Variants in TTC39A observed in about 807,000 individuals in gnomAD.
TTC39A encodes tetratricopeptide repeat domain 39A.
In TTC39A, 46 loss-of-function variants were observed where a neutral mutation model predicts 82.3. The observed-to-expected ratio is 0.56, with a 90% confidence interval of 0.44 to 0.71. The LOEUF (loss-of-function observed/expected upper bound fraction) is 0.71, where lower values mean the gene tolerates loss of function less well. Ranked by LOEUF, TTC39A falls within the 30% of genes least tolerant of loss-of-function variation. The pLI, the probability that TTC39A is intolerant of heterozygous loss-of-function variation, is 0.00. For missense variants in TTC39A, 543 were observed against 712.9 expected, an observed-to-expected ratio of 0.76 and a Z score of 2.71; for synonymous variants, 254 against 275.2, an observed-to-expected ratio of 0.92 and a Z score of 0.76.
At chr1:51,303,051 A>ACCCCAGGG in intron 9 of TTC39A, 33 bp downstream of exon 9, 3 of 1,551,186 alleles carry the variant, frequency 1.9e-6, no homozygotes, top group Non-Finnish European at 2.6e-6. Flanking sequence ...AGACGACCAA[A>ACCCCAGGG]CCCCAGGGCC....
Position 51,301,711 on chromosome 1 carries a change from C to T in TTC39A, c.914G>A (p.Cys305Tyr). The T allele has an allele frequency of 6.2e-7, 1 of 1,609,792 alleles. No individual in the cohort carries two copies. Among genetic ancestry groups the T allele is most frequent in the Non-Finnish European group, 8.5e-7 (1 of 1,176,646 alleles). Residue 305 changes from cysteine to tyrosine, a missense_variant, in exon 12 of 18, where the codon TGC becomes TAC. Physicochemically the swap from Cys to Tyr is radical, Grantham distance 194. Transcript: ENST00000680483. ...IDAAIRRFEECCEAQQHWKQF... is the reference protein window; with the variant it reads ...IDAAIRRFEEYCEAQQHWKQF... ...CTTCCAGTGCTGCTGGGCCTCACAG[C>T]ACTCCTCGAAACGCCGGATGGCCTG...
chr1:51,339,280 T>C (rs58091316), intron 1 of TTC39A, among the ~76,000 whole-genome samples: 10,825 of 152,206 alleles, frequency 0.071, 413 homozygotes, highest in East Asian at 0.12. Context: ...CACCTAGTCC[T>C]AATATAATTG....
Position 51,338,757 on chromosome 1 carries a change from C to T in TTC39A, c.53+6234G>A, listed in dbSNP as rs543650957. Among the ~76,000 whole-genome samples the T allele has an allele frequency of 2.6e-5, 4 of 152,070 alleles. No individual in the cohort carries two copies. In the South Asian group the frequency reaches 8.3e-4, roughly 32 times the overall value. On this transcript the variant is annotated intron_variant, in intron 1 of 5. Transcript: ENST00000401051. Reference sequence around the variant, plus strand: ...AGCTGGGATTACAGGCACGCACCACCAAGCCCGGCTAATTTTTGTATTTTT... The same window carrying T: ...AGCTGGGATTACAGGCACGCACCACTAAGCCCGGCTAATTTTTGTATTTTT...
At chr1:51,331,528 A>C, upstream of TTC39A, 1 of 985,450 alleles carries the variant, frequency 1.0e-6, no homozygotes, top group Non-Finnish European at 1.2e-6. Context: ...GGACGTCAGA[A>C]GAGGAAGCAG....
At chr1:51,311,125 T>C (rs918170976) in intron 5 of TTC39A, 129 bp downstream of exon 5, 5 of 862,686 alleles carry the variant, frequency 5.8e-6, no homozygotes, top group East Asian at 5.6e-5. Flanking sequence ...TGGGACACGA[T>C]TGCTACAGGG....
At chr1:51,306,265 T>C (rs1325891556) in intron 6 of TTC39A, among the ~76,000 whole-genome samples, 189 bp from the exon 7 acceptor site, 1 of 152,184 alleles carries the variant, frequency 6.6e-6, no homozygotes, top group Non-Finnish European at 1.5e-5. Flanking sequence ...CCTCACCCCC[T>C]GAATTTCAGC....
intron 6 of TTC39A, among the ~76,000 whole-genome samples, chr1:51,308,360 C>G (rs1471318074): frequency 1.3e-5 from 2 of 152,136 alleles, no homozygotes; most frequent in African/African-American, 2.4e-5. Flanking sequence ...CTGCCTGAGC[C>G]TCCCAAGTAG....
Position 51,288,400 on chromosome 1 carries a change from C to T in TTC39A, c.1611-120G>A. On this transcript the variant is annotated intron_variant, in intron 17 of 17. Coordinates refer to ENST00000680483, the MANE Select transcript of TTC39A (RefSeq NM_001297663.2). The surrounding 1 kb of genome is among the most constrained non-coding windows in gnomAD (Gnocchi z 4.8). The stretch of plus-strand genomic sequence containing the variant: ...AGGATTGTAGAGAAATTAATGTGTC[C>T]AGAGAGAGTTGAGCCCTACCCAATG... 1 of 1,504,384 alleles carries T rather than the reference C, an allele frequency of 6.6e-7. No homozygotes were observed. Among genetic ancestry groups the T allele is most frequent in the Admixed American group, 1.9e-5 (1 of 53,352 alleles). The allele number at this position is 1,504,384 out of a possible 1,614,324, so 93.2% of individuals were successfully genotyped here. A position where few individuals can be genotyped will look rare whatever the true frequency, so the allele number is the denominator to read the frequency against.
intron 13 of TTC39A, among the ~76,000 whole-genome samples, chr1:51,295,003 C>A (rs549753522): frequency 1.3e-5 from 2 of 152,312 alleles, no homozygotes; most frequent in Admixed American, 6.5e-5. Context: ...CGGTATGCCA[C>A]CAGGCACGCC....
chr1:51,291,599 T>C (rs1270919646), intron 14 of TTC39A, among the ~76,000 whole-genome samples: 2 of 120,366 alleles, frequency 1.7e-5, no homozygotes, highest in Non-Finnish European at 3.2e-5. Flanking sequence ...AAGACCAGCC[T>C]GGGCAACATG....
At chr1:51,290,378 T>C (rs1425159878) in intron 15 of TTC39A, 136 bp downstream of exon 15, 1 of 839,390 alleles carries the variant, frequency 1.2e-6, no homozygotes, top group Non-Finnish European at 1.8e-6. Context: ...AACAGCTGCT[T>C]GGAGGAGCTC....
At chr1:51,327,220 G>A (rs549597388) in intron 1 of TTC39A, among the ~76,000 whole-genome samples, 1 of 152,334 alleles carries the variant, frequency 6.6e-6, no homozygotes, top group African/African-American at 2.4e-5. Context: ...TGGGTGTGGG[G>A]TGGGTGAGGC....
At position 51,345,095 on chromosome 1, in the gene TTC39A, C is replaced by T; in HGVS notation, c.-52G>A. ...CGCGGGCGGCCCCTCGCGGCGGCGG[C>T]GGCGGCCGTGGAGGCTACAGTGGCA... On this transcript the variant is annotated 5_prime_UTR_variant, in exon 1 of 6. Coordinates refer to the TTC39A transcript ENST00000401051. The T allele has an allele frequency of 5.5e-6, 7 of 1,272,660 alleles. 1 individual carries two copies. Among genetic ancestry groups the T allele is most frequent in the Non-Finnish European group, 6.9e-6 (7 of 1,007,838 alleles). 78.8% of individuals were successfully genotyped at this position (1,272,660 alleles called of 1,614,324 possible).
rs551788917 is a variant in TTC39A at position 51,340,096 on chromosome 1, A to G, written c.53+4895T>C. Among the ~76,000 whole-genome samples, 3 of 152,336 alleles carry G rather than the reference A, an allele frequency of 2.0e-5. No homozygotes were observed. The South Asian group carries it at 6.2e-4, about 32-fold the overall frequency. On this transcript the variant is annotated intron_variant, in intron 1 of 5. Transcript: ENST00000401051. ...AAAGCAGGTCCTCATCAGATACTCA[A>G]TCTGCCTTGATCTTGGACTTCCCAT...
intron 2 of TTC39A, among the ~76,000 whole-genome samples, chr1:51,317,600 A>G (rs1645336142): frequency 2.6e-5 from 4 of 152,184 alleles, no homozygotes. Context: ...AATATAAAAA[A>G]TTAGCCAGGC....
chr1:51,333,220 CAAAAAAAA>C (rs748559262), upstream of TTC39A, among the ~76,000 whole-genome samples: 3 of 80,288 alleles, frequency 3.7e-5, no homozygotes, highest in Admixed American at 1.3e-4. Flanking sequence ...TCGCCCCCAC[CAAAAAAAA>C]AAAAAAAAAA....
At chr1:51,330,596 G>A (rs916757924), upstream of TTC39A, 1 of 983,006 alleles carries the variant, frequency 1.0e-6, no homozygotes, top group South Asian at 4.6e-5. This position sits in a 1 kb window ranked among gnomAD's most constrained non-coding sequence, Gnocchi z 4.5. Context: ...GGAGGGGCGC[G>A]CCGGGGGCGG....
At chr1:51,331,322 T>G (rs1328251581), upstream of TTC39A, 148 of 1,532,614 alleles carry the variant, frequency 9.7e-5, no homozygotes, top group Non-Finnish European at 1.2e-4. Flanking sequence ...AGGCGGTGTC[T>G]CCACCTGACC....
At chr1:51,326,735 T>G (rs750164617) in intron 1 of TTC39A, among the ~76,000 whole-genome samples, 1 of 152,072 alleles carries the variant, frequency 6.6e-6, no homozygotes, top group Non-Finnish European at 1.5e-5. Context: ...GCCAAACCTT[T>G]CCCCTCACCT....
Sources: gnomAD v4.1 joint callset for allele counts (sites outside exome capture counted in the v4.1 genomes callset) on GRCh38, gnomAD v4.1.1 for gene constraint, Gnocchi (gnomAD v3.1) non-coding constraint, MANE v1.5 for transcripts, NCBI Gene and HGNC (gene_info 2026-07-23, HGNC 2026-07-21) for gene names.